RGS12: variants seen among roughly 807,000 people sequenced by gnomAD.
The protein encoded by RGS12 is regulator of G protein signaling 12.
In RGS12, 66 loss-of-function variants were observed where a neutral mutation model predicts 120.1. The observed-to-expected ratio is 0.55, with a 90% CI of 0.45 to 0.67. RGS12 has a LOEUF of 0.67. RGS12 is among the 30% of genes least tolerant of loss of function. RGS12 has a pLI of 0.00. For synonymous variants in RGS12, 827 were observed against 804.7 expected (o/e 1.03, Z -0.47); for missense variants, 1,859 against 1,957.7 (o/e 0.95, Z 0.95).
At chr4:3,414,956 T>G (rs1577072632) in intron 6 of RGS12, 112 bp downstream of exon 6, 4 of 620,636 alleles carry the variant, frequency 6.4e-6, no homozygotes, top group African/African-American at 2.7e-5. Context: ...GGGGTGTGTG[T>G]GAGGGGCGTG....
intron 2 of RGS12, among the ~76,000 whole-genome samples, chr4:3,326,475 T>C (rs2108716224): frequency 6.6e-6 from 1 of 152,298 alleles, no homozygotes; most frequent in South Asian, 2.1e-4. Context: ...CTCAAACTTC[T>C]GGCTCAAGCA....
At chr4:3,350,633 G>C (rs1714261462) in intron 3 of RGS12, among the ~76,000 whole-genome samples, 1 of 152,142 alleles carries the variant, frequency 6.6e-6, no homozygotes, top group Non-Finnish European at 1.5e-5. Context: ...AGTGAGCCAT[G>C]TTTGTCCCAC....
At chr4:3,340,251 T>G (rs935232723) in intron 2 of RGS12, among the ~76,000 whole-genome samples, 1 of 152,124 alleles carries the variant, frequency 6.6e-6, no homozygotes, top group Admixed American at 6.5e-5. Context: ...GGGCAGCAAG[T>G]TTTCAGACAG....
At chr4:3,396,074 G>A (rs1432877316) in intron 4 of RGS12, among the ~76,000 whole-genome samples, 8 of 152,066 alleles carry the variant, frequency 5.3e-5, no homozygotes, top group African/African-American at 1.9e-4. Flanking sequence ...TTGTTGTATT[G>A]TTATTTTTTT....
rs111525971 is a variant in RGS12, at chr4:3,389,700, G to C, written c.2020+3263G>C. 1.2e-4 allele frequency among the ~76,000 whole-genome samples: 18 copies of C among 152,276 alleles called. No individual in the cohort carries two copies. Among genetic ancestry groups the C allele is most frequent in the African/African-American group, 3.9e-4 (16 of 41,556 alleles). ...AAGTCGGGGTGTGGAGACTATCGGG[G>C]AGCTCCCAGAGCGCCCACCTCCTCC... On this transcript the variant is annotated intron_variant, in intron 4 of 17. Coordinates refer to ENST00000336727, the MANE Select transcript of RGS12 (RefSeq NM_001394154.1). The surrounding 1 kb of genome is among the most constrained non-coding windows in gnomAD (Gnocchi z 5.2).
chr4:3,327,499 G>A (rs1399735176), intron 2 of RGS12, among the ~76,000 whole-genome samples: 1 of 152,186 alleles, frequency 6.6e-6, no homozygotes, highest in East Asian at 1.9e-4. Context: ...TAGCCTGCAG[G>A]ATGGAAGAAA....
intron 2 of RGS12, 35 bp downstream of exon 2, chr4:3,318,086 C>T (rs757693040): frequency 1.3e-5 from 20 of 1,541,048 alleles, no homozygotes; most frequent in Admixed American, 3.7e-5. Flanking sequence ...CGCGGAGGCC[C>T]GGCCTCCTCA....
At chr4:3,409,267 A>G (rs1203118) in intron 4 of RGS12, among the ~76,000 whole-genome samples, 147,885 of 152,340 alleles carry the variant, frequency 0.97, 71,799 homozygotes, top group East Asian at 1. Context: ...GGGAGGGAAT[A>G]CAGATTCCCT....
chr4:3,375,691 C>G (rs1452621534), intron 3 of RGS12, among the ~76,000 whole-genome samples: 10 of 131,626 alleles, frequency 7.6e-5, no homozygotes, highest in African/African-American at 2.8e-4. Flanking sequence ...CATCTCCAGC[C>G]TCATCTCCAG....
intron 3 of RGS12, among the ~76,000 whole-genome samples, chr4:3,370,509 G>A (rs1459822805): frequency 6.6e-6 from 1 of 152,248 alleles, no homozygotes; most frequent in Non-Finnish European, 1.5e-5. Context: ...CCCAGGCTCT[G>A]GGACCGCAGC....
In RGS12 at chr4:3,430,955, G is replaced by A. The variant is rs1724232739; in HGVS notation, c.4114G>A (p.Gly1372Arg). The A allele has an allele frequency of 3.1e-6, 5 of 1,612,098 alleles. No homozygotes were observed. Among genetic ancestry groups the A allele is most frequent in the Non-Finnish European group, 3.4e-6 (4 of 1,179,938 alleles). The change falls in exon 17 of 18, where the codon GGA becomes AGA. Residue 1372 changes from glycine (G) to arginine (R), a missense_variant and splice_region_variant. This residue lies in a region of RGS12 where 517 missense variants were observed against 488.5 expected (regional missense o/e 1.06). Coordinates refer to ENST00000336727, the MANE Select transcript of RGS12 (RefSeq NM_001394154.1). ...GGAAGTGCCAGGACCTTCCAGACCA[G>A]GTACCTCCAGGTTCTGATCCCTCCA... is the stretch of plus-strand genomic sequence containing the variant. ...PQEVPGPSRP[G>R]SGTHGSRDLP... is the part of the protein sequence containing the mutation.
At chr4:3,428,915 C>G (rs935087312) in intron 16 of RGS12, among the ~76,000 whole-genome samples, 1 of 152,192 alleles carries the variant, frequency 6.6e-6, no homozygotes, top group Middle Eastern at 3.2e-3. Context: ...GAGTGCCAGG[C>G]CTCCTAGGGC....
At position 3,394,129 on chromosome 4, in the gene RGS12, C is replaced by T. The variant is rs572092034; in HGVS notation, c.2020+7692C>T. On this transcript the variant is annotated intron_variant, in intron 4 of 17. Coordinates refer to ENST00000336727, the MANE Select transcript of RGS12 (RefSeq NM_001394154.1). Reference sequence around the variant, plus strand: ...TCTCTCTGAACGTGGTGCCCTTCCACGGCATTTCATCCGTCTGCTCCTTCA... The same window carrying T: ...TCTCTCTGAACGTGGTGCCCTTCCATGGCATTTCATCCGTCTGCTCCTTCA... Among the ~76,000 whole-genome samples the T allele has an allele frequency of 1.1e-3, 170 of 152,226 alleles. 1 individual carries two copies. The highest frequency in any genetic ancestry group is 3.9e-3 in the African/African-American group (160 of 41,532).
rs1279312132 is a variant in RGS12 at position 3,422,382 on chromosome 4, G to A, written c.2845G>A (p.Ala949Thr). 9.9e-6 allele frequency: 16 copies of A among 1,610,860 alleles called. No homozygotes were observed. The highest frequency in any genetic ancestry group is 1.2e-5 in the Non-Finnish European group (14 of 1,178,742). ...TTGTCTCGCTGCTCCCCAGTCGGAG[G>A]CCTGCAGGACTTTGGCACCCGAGAA... is the stretch of plus-strand genomic sequence containing the variant. The part of the protein sequence containing the change: ...SSAGSLDLSE[A>T]CRTLAPEKDK... Residue 949 changes from alanine to threonine, a missense_variant, in exon 11 of 18, where the codon GCC becomes ACC. Ala to Thr is a moderately conservative substitution (Grantham distance 58). Around this residue, in one of 3 missense-constraint regions of RGS12, gnomAD observed 375 missense variants for 475.0 expected, o/e 0.79. Coordinates refer to ENST00000336727, the MANE Select transcript of RGS12 (RefSeq NM_001394154.1).
intron 4 of RGS12, among the ~76,000 whole-genome samples, chr4:3,399,676 G>A (rs1720385828): frequency 6.6e-6 from 1 of 152,228 alleles, no homozygotes. Flanking sequence ...AGGCAAAAAT[G>A]ATTTGGAAGT....
chr4:3,417,602 C>A, intron 9 of RGS12, 61 bp downstream of exon 9: 1 of 1,571,334 alleles, frequency 6.4e-7, no homozygotes, highest in Non-Finnish European at 8.7e-7. Context: ...CCCGTCCTGG[C>A]GTCGCTCTGG....
chr4:3,414,695 T>G, intron 5 of RGS12, 57 bp from the exon 6 acceptor site: 1 of 1,249,994 alleles, frequency 8.0e-7, no homozygotes, highest in Non-Finnish European at 1.2e-6. Context: ...GAAGGGGAAG[T>G]AGGAAAAAGG....
chr4:3,298,706 G>A, intron 1 of RGS12, among the ~76,000 whole-genome samples: 1 of 152,108 alleles, frequency 6.6e-6, no homozygotes, highest in Middle Eastern at 3.2e-3. Context: ...CTTTGTATTT[G>A]TCCTGCTCAG....
intron 4 of RGS12, among the ~76,000 whole-genome samples, chr4:3,396,604 A>G (rs1720067544): frequency 6.6e-6 from 1 of 152,168 alleles, no homozygotes; most frequent in African/African-American, 2.4e-5. Flanking sequence ...TGGCCTCTGT[A>G]TTCTGTTCCA....
Sources: allele counts gnomAD v4.1 joint callset (sites outside exome capture counted in the v4.1 genomes callset), GRCh38; gene constraint gnomAD v4.1.1; regional missense constraint gnomAD v4.1.1; non-coding constraint Gnocchi (gnomAD v3.1); transcripts MANE v1.5; gene names NCBI Gene and HGNC (gene_info 2026-07-23, HGNC 2026-07-21).